NHSL2: variants seen among roughly 807,000 people sequenced by gnomAD.
NHSL2 encodes the protein NHS like 2, also known as NHS-like protein 2.
A neutral mutation model predicts 53.4 loss-of-function variants in NHSL2; 27 were observed. The observed-to-expected ratio is 0.51, with a 90% confidence interval of 0.37 to 0.70. The LOEUF (loss-of-function observed/expected upper bound fraction) is 0.70, where lower values mean the gene tolerates loss of function less well. Ranked by LOEUF, NHSL2 falls within the 30% of genes least tolerant of loss-of-function variation. The pLI is 0.00. For missense variants in NHSL2, 892 were observed against 980.1 expected (o/e 0.91, Z 1.20); for synonymous variants, 408 against 404.1 (o/e 1.01, Z -0.12).
chrX:72,092,865 C>G (rs1295285142), intron 1 of NHSL2, among the ~76,000 whole-genome samples: 2 of 112,370 alleles, frequency 1.8e-5, no homozygotes, highest in Non-Finnish European at 1.9e-5. Flanking sequence ...TGACCTTGGG[C>G]AAGTTTCTTG....
intron 1 of NHSL2, among the ~76,000 whole-genome samples, chrX:72,034,895 T>G (rs1475778421): frequency 8.9e-6 from 1 of 111,972 alleles, no homozygotes. Context: ...CTCGATTGCT[T>G]TCTTATTTTC....
At chrX:72,011,483 A>G (rs2042115409) in intron 1 of NHSL2, among the ~76,000 whole-genome samples, 1 of 111,992 alleles carries the variant, frequency 8.9e-6, no homozygotes, top group Non-Finnish European at 1.9e-5. Flanking sequence ...CATCGTGGCC[A>G]ACACGGTGAA....
chrX:72,088,155 C>CG (rs1383552562), intron 1 of NHSL2, among the ~76,000 whole-genome samples: 1 of 111,856 alleles, frequency 8.9e-6, no homozygotes, highest in African/African-American at 3.3e-5. Flanking sequence ...AGCTTGAACC[C>CG]GGGAGGCAGA....
chrX:72,028,573 C>G (rs1183618951), intron 1 of NHSL2, among the ~76,000 whole-genome samples: 1 of 112,021 alleles, frequency 8.9e-6, no homozygotes, highest in African/African-American at 3.2e-5. Context: ...CTTTCCCTCA[C>G]CCCTCAGCTG....
chrX:72,149,762 G>A lies in NHSL2; in HGVS notation c.*6188G>A, dbSNP rs746468760. ...TCTACTGACTCCAAAGCTTACTTTG[G>A]GCTATATTTCTTATTTCTAGATTGT... On this transcript the variant is annotated 3_prime_UTR_variant, in exon 8 of 8. Transcript: ENST00000633930. 1.5e-4 allele frequency: 17 copies of A among 111,554 alleles called. No homozygotes were observed. The highest frequency in any genetic ancestry group is 3.8e-4 in the Admixed American group (4 of 10,479). 9.2% of individuals were successfully genotyped at this position (111,554 alleles called of 1,213,427 possible).
chrX:72,135,928 C>T (rs891260101), intron 4 of NHSL2, among the ~76,000 whole-genome samples: 9 of 111,239 alleles, frequency 8.1e-5, no homozygotes, highest in Non-Finnish European at 1.7e-4. Context: ...CCTAGCTACT[C>T]GGGAGGCTGA....
At chrX:71,936,113 G>A (rs1025858255) in intron 1 of NHSL2, among the ~76,000 whole-genome samples, 1 of 112,173 alleles carries the variant, frequency 8.9e-6, no homozygotes, top group African/African-American at 3.2e-5. Flanking sequence ...GAGCTGCAGA[G>A]AGAGGGAGTG....
At chrX:71,976,627 C>T (rs938982646) in intron 1 of NHSL2, among the ~76,000 whole-genome samples, 2 of 111,837 alleles carry the variant, frequency 1.8e-5, no homozygotes, top group African/African-American at 3.2e-5. Context: ...TTTCATCCCC[C>T]GCAGTAACCT....
At position 71,992,036 on chromosome X, in the gene NHSL2, A is replaced by G. The variant is rs755104926; in HGVS notation, c.280+80669A>G. On this transcript the variant is annotated intron_variant, in intron 1 of 7. Coordinates refer to ENST00000633930, the MANE Select transcript of NHSL2 (RefSeq NM_001013627.3). Reference sequence around the variant, plus strand: ...GGCACAGCTCACTGGGAGATGCTAGACAAACACAGCAGCTGCTGGAAGGCA... The same window carrying G: ...GGCACAGCTCACTGGGAGATGCTAGGCAAACACAGCAGCTGCTGGAAGGCA... Among the ~76,000 whole-genome samples the G allele has an allele frequency of 4.4e-5, 5 of 113,169 alleles. No individual in the cohort carries two copies. In the South Asian group the frequency reaches 1.4e-3, roughly 33 times the overall value.
intron 1 of NHSL2, among the ~76,000 whole-genome samples, chrX:72,009,199 A>C (rs1454284968): frequency 2.7e-5 from 3 of 112,917 alleles, no homozygotes; most frequent in Non-Finnish European, 5.6e-5. Flanking sequence ...GGAACTGGGA[A>C]ACGGTTGCTG....
At chrX:72,094,867 T>C (rs1270054048) in intron 1 of NHSL2, among the ~76,000 whole-genome samples, 5 of 112,041 alleles carry the variant, frequency 4.5e-5, no homozygotes, top group Non-Finnish European at 9.4e-5. Context: ...GATTCAACCC[T>C]GGATTTGGCA....
At chrX:71,978,692 T>C (rs1333733376) in intron 1 of NHSL2, among the ~76,000 whole-genome samples, 1 of 109,978 alleles carries the variant, frequency 9.1e-6, no homozygotes, top group African/African-American at 3.3e-5. Flanking sequence ...ATCTTTTTTT[T>C]TTTTTTTTGA....
intron 1 of NHSL2, among the ~76,000 whole-genome samples, chrX:72,047,617 G>A (rs2042312389): frequency 8.9e-6 from 1 of 111,770 alleles, no homozygotes; most frequent in Non-Finnish European, 1.9e-5. Flanking sequence ...CCTAAATTGG[G>A]TTCCAGGGAG....
chrX:72,137,836 T>TATA (rs1025433762), intron 5 of NHSL2, among the ~76,000 whole-genome samples: 6 of 111,809 alleles, frequency 5.4e-5, no homozygotes, highest in Non-Finnish European at 9.4e-5. Context: ...CAGTAGTAGT[T>TATA]ATAATAATAA....
chrX:71,956,851 C>T (rs1431964183), intron 1 of NHSL2, among the ~76,000 whole-genome samples: 2 of 111,611 alleles, frequency 1.8e-5, no homozygotes, highest in Non-Finnish European at 3.8e-5. Flanking sequence ...TTCCATGTTG[C>T]TGTCATGACT....
At chrX:72,091,490 G>A (rs1437899736) in intron 1 of NHSL2, among the ~76,000 whole-genome samples, 2 of 111,900 alleles carry the variant, frequency 1.8e-5, no homozygotes, top group Non-Finnish European at 1.9e-5. Context: ...ATGCCAAACT[G>A]CCCACCAAAG....
chrX:72,057,418 G>C (rs1460491074), intron 1 of NHSL2, among the ~76,000 whole-genome samples: 1 of 111,877 alleles, frequency 8.9e-6, no homozygotes, highest in Non-Finnish European at 1.9e-5. Flanking sequence ...ATCATATTCT[G>C]TTTCTTTTTT....
At chrX:72,006,602 G>C (rs987185067) in intron 1 of NHSL2, among the ~76,000 whole-genome samples, 4 of 112,663 alleles carry the variant, frequency 3.6e-5, no homozygotes, top group African/African-American at 1.3e-4. Flanking sequence ...GCCCAGGCTG[G>C]AGTGCAGTGG....
At chrX:72,080,449 G>A (rs61261314) in intron 1 of NHSL2, among the ~76,000 whole-genome samples, 1,934 of 111,249 alleles carry the variant, frequency 0.017, 41 homozygotes, top group African/African-American at 0.06. Context: ...CCACTTAACC[G>A]AGATCCTCTG....
Sources: gnomAD v4.1 joint callset for allele counts (sites outside exome capture counted in the v4.1 genomes callset) on GRCh38, gnomAD v4.1.1 for gene constraint, MANE v1.5 for transcripts, NCBI Gene and HGNC (gene_info 2026-07-23, HGNC 2026-07-21) for gene names.